The following CFDP1 variants were observed in gnomAD, a reference collection of about 807,000 sequenced individuals.
CFDP1 encodes chromatin remodeling protein CFDP1, also known as heterochromatin-stabilizing protein CFDP1.
A neutral mutation model predicts 40.1 loss-of-function variants in CFDP1; 31 were observed. The observed-to-expected ratio is 0.77, with a 90% confidence interval of 0.58 to 1.04. The LOEUF (loss-of-function observed/expected upper bound fraction) is 1.04, where lower values mean the gene tolerates loss of function less well. Ranked by LOEUF, CFDP1 falls within the 50% of genes least tolerant of loss-of-function variation. The pLI, the probability that CFDP1 is intolerant of heterozygous loss-of-function variation, is 0.00. For synonymous variants in CFDP1, 167 were observed against 120.0 expected (o/e 1.39, Z -2.56); for missense variants, 423 against 343.4 (o/e 1.23, Z -1.83).
chr16:75,370,376 A>T (rs1245367113), intron 5 of CFDP1, among the ~76,000 whole-genome samples: 2 of 152,196 alleles, frequency 1.3e-5, no homozygotes, highest in South Asian at 4.1e-4. Context: ...TACCAACGTG[A>T]GCCACCACGC....
chr16:75,360,210 A>G (rs1022065694), intron 5 of CFDP1, among the ~76,000 whole-genome samples: 3 of 152,118 alleles, frequency 2.0e-5, no homozygotes, highest in African/African-American at 7.2e-5. Flanking sequence ...TTGGTTTCTA[A>G]TATTACTTTC....
intron 1 of CFDP1, among the ~76,000 whole-genome samples, chr16:75,416,707 C>T (rs931435375): frequency 6.6e-6 from 1 of 152,122 alleles, no homozygotes; most frequent in African/African-American, 2.4e-5. Flanking sequence ...AAGATCACAC[C>T]ACTGCACTCC....
At chr16:75,433,176 G>C in intron 1 of CFDP1, 113 bp downstream of exon 1, 3 of 908,922 alleles carry the variant, frequency 3.3e-6, no homozygotes, top group Non-Finnish European at 3.3e-6. Context: ...TCGAGAACAG[G>C]AGCCCCCCTG....
At chr16:75,371,008 C>T (rs2078747463) in intron 5 of CFDP1, among the ~76,000 whole-genome samples, 1 of 152,198 alleles carries the variant, frequency 6.6e-6, no homozygotes, top group Admixed American at 6.5e-5. Context: ...CCTATATGAG[C>T]ATATACTGTG....
chr16:75,412,519 T>A lies in CFDP1; in HGVS notation c.402+16A>T. The A allele has an allele frequency of 1.3e-6, 2 of 1,595,132 alleles. No individual in the cohort carries two copies. The highest frequency in any genetic ancestry group is 1.7e-6 in the Non-Finnish European group (2 of 1,162,668). ...ATTTCTGGAGAGGCATTCACCTCAC[T>A]AATGTCTCAACTTACCTTAACTTGT... On this transcript the variant is annotated intron_variant, in intron 3 of 6. Coordinates refer to ENST00000283882, the MANE Select transcript of CFDP1 (RefSeq NM_006324.3).
chr16:75,299,564 C>T (rs8047147), intron 6 of CFDP1, among the ~76,000 whole-genome samples: 28,301 of 150,996 alleles, frequency 0.19, 2,888 homozygotes, highest in African/African-American at 0.23. Flanking sequence ...CACTGCACTC[C>T]AGCCTGGGGA....
chr16:75,303,555 G>T (rs868077293), intron 6 of CFDP1, among the ~76,000 whole-genome samples: 63 of 149,048 alleles, frequency 4.2e-4, no homozygotes, highest in African/African-American at 1.5e-3. Context: ...TGAGCTGGGT[G>T]CAGGGGTGTG....
chr16:75,368,564 C>G (rs2078732156), intron 5 of CFDP1, among the ~76,000 whole-genome samples: 1 of 152,148 alleles, frequency 6.6e-6, no homozygotes, highest in African/African-American at 2.4e-5. Context: ...AACTTGATAA[C>G]ACATATAAAG....
intron 1 of CFDP1, among the ~76,000 whole-genome samples, chr16:75,418,407 C>T (rs539757336): frequency 2.7e-5 from 4 of 148,870 alleles, no homozygotes; most frequent in Admixed American, 6.7e-5. Flanking sequence ...CCGGGTTTTA[C>T]GCCATTCTCC....
At chr16:75,420,506 T>A (rs12444589) in intron 1 of CFDP1, among the ~76,000 whole-genome samples, 78,859 of 152,024 alleles carry the variant, frequency 0.52, 21,508 homozygotes, top group Admixed American at 0.64. Context: ...TCTTTTCAGC[T>A]ATCTATGCCA....
At chr16:75,310,089 A>T (rs1292284019) in intron 5 of CFDP1, among the ~76,000 whole-genome samples, 1 of 152,188 alleles carries the variant, frequency 6.6e-6, no homozygotes, top group Non-Finnish European at 1.5e-5. Context: ...TATTACCAAG[A>T]TGTTTCCAAT....
rs1356754136 is a variant in CFDP1, at chr16:75,305,146, C to T, written c.687G>A (p.Gly229=). 2 of 1,614,008 alleles carry T rather than the reference C, an allele frequency of 1.2e-6. No individual in the cohort carries two copies. Among genetic ancestry groups the T allele is most frequent in the East Asian group, 2.2e-5 (1 of 44,900 alleles). ...TTTTCTGCTTCTTGGCACCAATTTTCCCCAAAAGGCTGCTCATGCCACTTG... is the reference window on the plus strand; with the variant it reads ...TTTTCTGCTTCTTGGCACCAATTTTTCCCAAAAGGCTGCTCATGCCACTTG... ...KRSSGMSSLL[G]KIGAKKQKMS... is the part of the protein sequence containing the mutation. The change falls in exon 6 of 7, where the codon GGG becomes GGA. Residue 229 remains glycine (G), a synonymous_variant. Transcript: ENST00000283882.
intron 2 of CFDP1, among the ~76,000 whole-genome samples, chr16:75,413,121 T>C (rs748273059): frequency 6.6e-6 from 1 of 152,208 alleles, no homozygotes; most frequent in Non-Finnish European, 1.5e-5. Flanking sequence ...CCAGACATTG[T>C]TGACTTTTTA....
chr16:75,394,854 T>G, intron 5 of CFDP1: 10 of 341,232 alleles, frequency 2.9e-5, no homozygotes, highest in South Asian at 3.4e-5. Context: ...AGAGACAGGG[T>G]CTTACTGTAT....
rs1007151984 is a variant in CFDP1, at chr16:75,294,008, C to G, written c.844G>C (p.Asp282His). 6 of 1,614,074 alleles carry G rather than the reference C, an allele frequency of 3.7e-6. No homozygotes were observed. Among genetic ancestry groups the G allele is most frequent in the Admixed American group, 3.3e-5 (2 of 60,016 alleles). Reference sequence around the variant, plus strand: ...CGCTCAATTTCAAACTGCCTGTGATCCACTCGGTCAAGGAAGGCTTTCCGT... The same window carrying G: ...CGCTCAATTTCAAACTGCCTGTGATGCACTCGGTCAAGGAAGGCTTTCCGT... ...IERKAFLDRV[D>H]HRQFEIERDL... Residue 282 changes from aspartate (D) to histidine (H), a missense_variant, in exon 7 of 7, where the codon GAT (aspartate) becomes CAT (histidine). Transcript: ENST00000283882.
Position 75,411,950 on chromosome 16 carries a change from T to G in CFDP1, c.405A>C (p.Lys135Asn), listed in dbSNP as rs781088027. 13 of 1,590,350 alleles carry G rather than the reference T, an allele frequency of 8.2e-6. No individual in the cohort carries two copies. The part of the protein sequence containing the change: ...SKVPPSTQVK[K>N]GEETEETSSS... ...AACTTGTCTCTTCAGTCTCCTCTCC[T>G]TTCTATAAAAAAAACAAGAAATGTA... The change falls in exon 4 of 7, where the codon AAA (lysine) becomes AAC (asparagine). Residue 135 changes from lysine (K) to asparagine (N), a missense_variant and splice_region_variant. Coordinates refer to ENST00000283882, the MANE Select transcript of CFDP1 (RefSeq NM_006324.3).
At chr16:75,394,880 C>G in intron 5 of CFDP1, 1 of 515,012 alleles carries the variant, frequency 1.9e-6, no homozygotes, top group Non-Finnish European at 3.3e-6. Flanking sequence ...AGGCTGGTCA[C>G]AAACTCCTGG....
intron 5 of CFDP1, among the ~76,000 whole-genome samples, chr16:75,352,700 C>T (rs1364849513): frequency 6.6e-6 from 1 of 152,184 alleles, no homozygotes; most frequent in Non-Finnish European, 1.5e-5. Flanking sequence ...TCCGTACAAA[C>T]TACTCTGAGT....
At chr16:75,383,791 C>T (rs2078870456) in intron 5 of CFDP1, among the ~76,000 whole-genome samples, 1 of 139,752 alleles carries the variant, frequency 7.2e-6, no homozygotes, top group East Asian at 2.1e-4. Flanking sequence ...TGCACTCTAG[C>T]CTGGCAAAAG....
Sources: gnomAD v4.1 joint callset for allele counts (sites outside exome capture counted in the v4.1 genomes callset) on GRCh38, gnomAD v4.1.1 for gene constraint, MANE v1.5 for transcripts, NCBI Gene and HGNC (gene_info 2026-07-23, HGNC 2026-07-21) for gene names.